The following SPAG9 variants were observed in gnomAD, a reference collection of about 807,000 sequenced individuals.
The protein encoded by SPAG9 is sperm associated antigen 9.
In SPAG9, 35 loss-of-function variants were observed where a neutral mutation model predicts 166.5. The observed-to-expected ratio is 0.21, with a 90% confidence interval of 0.16 to 0.28. SPAG9 has a LOEUF of 0.28. Ranked by LOEUF, SPAG9 falls within the 10% of genes least tolerant of loss-of-function variation. SPAG9 has a pLI of 1.00. For synonymous variants in SPAG9, 534 were observed against 565.5 expected, an observed-to-expected ratio of 0.94 and a Z score of 0.79; for missense variants, 1,235 against 1,603.3, an observed-to-expected ratio of 0.77 and a Z score of 3.92.
At chr17:51,037,693 T>TATATA (rs1568028403) in intron 5 of SPAG9, among the ~76,000 whole-genome samples, 6 of 89,904 alleles carry the variant, frequency 6.7e-5, no homozygotes, top group Admixed American at 4.9e-4. Flanking sequence ...ATAGTGTGTG[T>TATATA]GTGTGTGTGT....
chr17:51,049,520 T>G (rs1428034488), intron 3 of SPAG9, among the ~76,000 whole-genome samples: 2 of 151,734 alleles, frequency 1.3e-5, no homozygotes, highest in African/African-American at 4.8e-5. Flanking sequence ...TACAAAAAAA[T>G]TTTTAAAAAT....
chr17:51,064,027 A>AT (rs1568054128), intron 2 of SPAG9, among the ~76,000 whole-genome samples: 1 of 152,236 alleles, frequency 6.6e-6, no homozygotes, highest in Admixed American at 6.5e-5. Context: ...ATCCTCTAGC[A>AT]TAAGTATCAT....
rs891107721 is a variant in SPAG9, at chr17:50,985,028, A to G, written c.3021-38T>C. On this transcript the variant is annotated intron_variant, in intron 23 of 29. Coordinates refer to ENST00000262013, the MANE Select transcript of SPAG9 (RefSeq NM_001130528.3). ...AAGGGGAGTTCAGAACTCTCCATTC[A>G]GGAATACAGAAGGGACCACATGCTA... 5.1e-6 allele frequency: 8 copies of G among 1,581,304 alleles called. No individual in the cohort carries two copies. The African/African-American group carries it at 1.1e-4, about 21-fold the overall frequency.
intron 29 of SPAG9, among the ~76,000 whole-genome samples, chr17:50,967,306 C>A (rs1973433265): frequency 6.6e-6 from 1 of 152,178 alleles, no homozygotes; most frequent in Non-Finnish European, 1.5e-5. Flanking sequence ...AAGATATATT[C>A]CACTGATCTA....
At chr17:51,102,825 T>C (rs1382960994) in intron 1 of SPAG9, among the ~76,000 whole-genome samples, 1 of 152,138 alleles carries the variant, frequency 6.6e-6, no homozygotes, top group Non-Finnish European at 1.5e-5. Context: ...ATCACTGTTA[T>C]TTTTAGAGAT....
At position 51,037,691 on chromosome 17, in the gene SPAG9, T is replaced by TATATATA. The variant is rs1179792305; in HGVS notation, c.741+3809_741+3810insTATATAT. Reference sequence around the variant, plus strand: ...TATATATATATATATATATAGTGTGTGTGTGTGTGTGTGTGTGTGTGTGTG... The same window carrying TATATATA: ...TATATATATATATATATATAGTGTGTATATATAGTGTGTGTGTGTGTGTGTGTGTGTG... On this transcript the variant is annotated intron_variant, in intron 5 of 29. Coordinates refer to ENST00000262013, the MANE Select transcript of SPAG9 (RefSeq NM_001130528.3). Among the ~76,000 whole-genome samples, 472 of 90,544 alleles carry TATATATA rather than the reference T, an allele frequency of 5.2e-3. 13 individuals are homozygous for TATATATA. The highest frequency in any genetic ancestry group is 0.028 in the Admixed American group (225 of 8,096). The allele number at this position is 90,544 out of a possible 152,430, so 59.4% of individuals were successfully genotyped here.
At chr17:51,106,915 A>C (rs1241736702) in intron 1 of SPAG9, among the ~76,000 whole-genome samples, 1 of 151,980 alleles carries the variant, frequency 6.6e-6, no homozygotes, top group East Asian at 1.9e-4. Context: ...CAGCCTGGCT[A>C]ATATGGTGAA....
At chr17:51,037,685 A>AGTGTGTGTGTGT (rs746475393) in intron 5 of SPAG9, among the ~76,000 whole-genome samples, 7 of 83,510 alleles carry the variant, frequency 8.4e-5, no homozygotes, top group African/African-American at 2.7e-4. Context: ...ATATATATAT[A>AGTGTGTGTGTGT]GTGTGTGTGT....
intron 1 of SPAG9, among the ~76,000 whole-genome samples, chr17:51,097,560 C>T (rs2048680630): frequency 6.6e-6 from 1 of 151,890 alleles, no homozygotes. Flanking sequence ...CACACACACA[C>T]ATATACATAT....
At chr17:51,062,090 T>C (rs1434480500) in intron 2 of SPAG9, among the ~76,000 whole-genome samples, 2 of 152,208 alleles carry the variant, frequency 1.3e-5, no homozygotes, top group Non-Finnish European at 2.9e-5. Context: ...GAGTTACAGA[T>C]GACTTGTCCC....
chr17:51,022,080 G>A (rs1038458004), intron 6 of SPAG9, among the ~76,000 whole-genome samples: 23 of 137,910 alleles, frequency 1.7e-4, no homozygotes, highest in African/African-American at 5.0e-4. Flanking sequence ...CTGAGATCAC[G>A]CCACTGCACT....
chr17:51,105,570 G>GA (rs1215936824), intron 1 of SPAG9, among the ~76,000 whole-genome samples: 2 of 152,090 alleles, frequency 1.3e-5, no homozygotes, highest in African/African-American at 2.4e-5. Context: ...CCAGTAGCTT[G>GA]AAAAAACACT....
In SPAG9 at chr17:51,037,706, G is replaced by A. The variant is rs1446479510; in HGVS notation, c.741+3795C>T. Among the ~76,000 whole-genome samples the A allele has an allele frequency of 1.3e-3, 145 of 112,532 alleles. 3 individuals are homozygous for A. Among genetic ancestry groups the A allele is most frequent in the African/African-American group, 4.0e-3 (139 of 34,456 alleles). 73.8% of individuals were successfully genotyped at this position (112,532 alleles called of 152,430 possible). On this transcript the variant is annotated intron_variant, in intron 5 of 29. Coordinates refer to ENST00000262013, the MANE Select transcript of SPAG9 (RefSeq NM_001130528.3). Reference sequence around the variant, plus strand: ...ATATAGTGTGTGTGTGTGTGTGTGTGTGTGTGTGTGTGTGTATAAACATTT... The same window carrying A: ...ATATAGTGTGTGTGTGTGTGTGTGTATGTGTGTGTGTGTGTATAAACATTT...
intron 9 of SPAG9, among the ~76,000 whole-genome samples, chr17:51,009,674 C>T (rs570224485): frequency 6.6e-6 from 1 of 152,132 alleles, no homozygotes; most frequent in East Asian, 1.9e-4. Context: ...TTAAAATTAT[C>T]ATTAAAAGAT....
intron 9 of SPAG9, among the ~76,000 whole-genome samples, chr17:51,011,672 C>T (rs1292785214): frequency 2.6e-5 from 4 of 152,088 alleles, no homozygotes; most frequent in Admixed American, 6.5e-5. Context: ...CATGAGCCAC[C>T]GTGCCCGGCC....
At chr17:51,080,886 CAAAAA>C (rs200436430) in intron 1 of SPAG9, among the ~76,000 whole-genome samples, 4 of 67,848 alleles carry the variant, frequency 5.9e-5, no homozygotes, top group African/African-American at 3.5e-4. Flanking sequence ...GACTCTATCT[CAAAAA>C]AAAAAAAAAA....
chr17:51,017,720 A>G (rs2045762022), intron 8 of SPAG9, among the ~76,000 whole-genome samples: 2 of 152,202 alleles, frequency 1.3e-5, no homozygotes, highest in South Asian at 2.1e-4. Flanking sequence ...GATGAAAACA[A>G]TATTACTTAA....
intron 8 of SPAG9, among the ~76,000 whole-genome samples, chr17:51,016,747 A>G (rs1357695017): frequency 8.5e-5 from 13 of 152,222 alleles, no homozygotes. Context: ...TCTACTAAAA[A>G]TACAAAAATT....
At chr17:51,110,942 C>T (rs956137149) in intron 1 of SPAG9, among the ~76,000 whole-genome samples, 4 of 151,948 alleles carry the variant, frequency 2.6e-5, no homozygotes, top group African/African-American at 9.7e-5. Flanking sequence ...CAGTGAAACC[C>T]CATCTCTACT....
Sources: gnomAD v4.1 joint callset for allele counts (sites outside exome capture counted in the v4.1 genomes callset) on GRCh38, gnomAD v4.1.1 for gene constraint, MANE v1.5 for transcripts, NCBI Gene and HGNC (gene_info 2026-07-23, HGNC 2026-07-21) for gene names.